Variants in LRP1B observed in about 807,000 individuals in gnomAD.
The protein encoded by LRP1B is LDL receptor related protein 1B, also known as low-density lipoprotein receptor-related protein 1B.
A neutral mutation model predicts 556.6 loss-of-function variants in LRP1B; 217 were observed. The ratio of observed to expected loss-of-function variants is 0.39; its 90% CI spans 0.35 to 0.44. The LOEUF is 0.44. LRP1B is among the 20% of genes least tolerant of loss of function. The pLI, the probability that LRP1B is intolerant of heterozygous loss-of-function variation, is 1.00. For synonymous variants in LRP1B, 2,047 were observed against 1,865.8 expected (o/e 1.10, Z -2.50); for missense variants, 5,053 against 5,620.8 (o/e 0.90, Z 3.23).
intron 1 of LRP1B, among the ~76,000 whole-genome samples, chr2:141,960,435 G>T (rs1701370386): frequency 6.6e-6 from 1 of 151,796 alleles, no homozygotes; most frequent in South Asian, 2.1e-4. Flanking sequence ...TTAATTCTCA[G>T]GAAGGCTATT....
chr2:141,877,274 A>G (rs1488129576), intron 1 of LRP1B, among the ~76,000 whole-genome samples: 1 of 151,940 alleles, frequency 6.6e-6, no homozygotes, highest in Non-Finnish European at 1.5e-5. Context: ...TAGCAAAGAC[A>G]ATTAACTGCC....
chr2:141,330,001 A>G (rs1201711212), intron 3 of LRP1B, among the ~76,000 whole-genome samples: 1 of 78,314 alleles, frequency 1.3e-5, no homozygotes, highest in Non-Finnish European at 2.9e-5. Context: ...ACTATTATAG[A>G]TAAAAAAAAA....
intron 32 of LRP1B, 39 bp downstream of exon 32, chr2:140,813,618 C>G (rs368455910): frequency 6.3e-7 from 1 of 1,596,960 alleles, no homozygotes; most frequent in Non-Finnish European, 8.6e-7. Flanking sequence ...AACCCCCAAT[C>G]AATACAAAGC....
rs943495997 is a variant in LRP1B, at chr2:140,779,516, G to A, written c.5360-3278C>T. 3.9e-5 allele frequency among the ~76,000 whole-genome samples: 6 copies of A among 152,006 alleles called. No homozygotes were observed. The South Asian group carries it at 1.2e-3, about 32-fold the overall frequency. On this transcript the variant is annotated intron_variant, in intron 32 of 90. Coordinates refer to ENST00000389484, the MANE Select transcript of LRP1B (RefSeq NM_018557.3). ...TCGAGGCCAGCCTGACCAACATGGT[G>A]AAACCCCGTCTCTACTAAAAATACA...
chr2:141,470,746 T>C (rs1682430612), intron 3 of LRP1B, among the ~76,000 whole-genome samples: 1 of 152,188 alleles, frequency 6.6e-6, no homozygotes, highest in African/African-American at 2.4e-5. Context: ...ATACGGGATT[T>C]GGCCTCACAG....
chr2:140,450,059 A>G (rs1686823137), intron 63 of LRP1B, among the ~76,000 whole-genome samples: 1 of 152,224 alleles, frequency 6.6e-6, no homozygotes, highest in Non-Finnish European at 1.5e-5. Flanking sequence ...AGCAATTGCT[A>G]AGAACATATT....
chr2:141,400,370 C>T (rs1454014794), intron 3 of LRP1B, among the ~76,000 whole-genome samples: 1 of 152,274 alleles, frequency 6.6e-6, no homozygotes, highest in African/African-American at 2.4e-5. Flanking sequence ...TTGGAGTTAG[C>T]CTATACGACT....
intron 3 of LRP1B, among the ~76,000 whole-genome samples, chr2:141,437,267 G>T (rs1449216687): frequency 6.6e-6 from 1 of 152,038 alleles, no homozygotes; most frequent in Non-Finnish European, 1.5e-5. Flanking sequence ...TCTGTTAGAA[G>T]ATTTTGTAAT....
At chr2:141,555,589 T>C (rs1296753132) in intron 2 of LRP1B, among the ~76,000 whole-genome samples, 2 of 151,942 alleles carry the variant, frequency 1.3e-5, no homozygotes, top group East Asian at 1.9e-4. Flanking sequence ...TAAAATGTCA[T>C]CTTGCCTAAA....
chr2:140,275,557 A>T (rs1198001395), intron 84 of LRP1B, among the ~76,000 whole-genome samples: 1 of 151,924 alleles, frequency 6.6e-6, no homozygotes, highest in Non-Finnish European at 1.5e-5. Flanking sequence ...TTCCCTGTAC[A>T]CGTAGCAGAA....
chr2:141,148,104 C>A (rs577778659), intron 7 of LRP1B, among the ~76,000 whole-genome samples: 1 of 152,128 alleles, frequency 6.6e-6, no homozygotes, highest in Admixed American at 6.5e-5. Flanking sequence ...ATTAAGCATG[C>A]GTGACTGTAG....
At chr2:141,604,654 CCTT>C (rs981816222) in intron 2 of LRP1B, among the ~76,000 whole-genome samples, 3 of 152,048 alleles carry the variant, frequency 2.0e-5, no homozygotes, top group African/African-American at 7.2e-5. Flanking sequence ...TTGAGTGGTG[CCTT>C]CGTTTTAGCC....
chr2:141,881,315 A>C (rs1698950864), intron 1 of LRP1B, among the ~76,000 whole-genome samples: 1 of 152,156 alleles, frequency 6.6e-6, no homozygotes, highest in African/African-American at 2.4e-5. Flanking sequence ...AACTGATGGA[A>C]GACTTAAAAT....
At chr2:140,767,790 T>G (rs1403335374) in intron 35 of LRP1B, among the ~76,000 whole-genome samples, 3 of 151,918 alleles carry the variant, frequency 2.0e-5, no homozygotes, top group African/African-American at 7.2e-5. Flanking sequence ...CATTATGGAG[T>G]CTTCAAAATA....
chr2:141,623,003 A>G (rs999524656), intron 2 of LRP1B, among the ~76,000 whole-genome samples: 15 of 152,226 alleles, frequency 9.9e-5, no homozygotes, highest in African/African-American at 3.4e-4. Context: ...TCAGCATAAC[A>G]CATATGGTTC....
At chr2:141,778,297 G>A (rs1301070798) in intron 2 of LRP1B, among the ~76,000 whole-genome samples, 1 of 152,152 alleles carries the variant, frequency 6.6e-6, no homozygotes, top group Non-Finnish European at 1.5e-5. Context: ...TTAGACATAT[G>A]ATCTCTGCAT....
At chr2:141,726,857 A>C (rs1693057199) in intron 2 of LRP1B, among the ~76,000 whole-genome samples, 2 of 152,132 alleles carry the variant, frequency 1.3e-5, no homozygotes, top group Admixed American at 1.3e-4. Flanking sequence ...CTGCCTGACA[A>C]ATTGAAGATG....
chr2:141,565,771 T>A (rs1223967964), intron 2 of LRP1B, among the ~76,000 whole-genome samples: 2 of 152,238 alleles, frequency 1.3e-5, no homozygotes, highest in Non-Finnish European at 2.9e-5. Flanking sequence ...AGAGGTACAC[T>A]GTTTGTATAT....
At chr2:141,012,782 C>T (rs1917703) in intron 14 of LRP1B, among the ~76,000 whole-genome samples, 144,554 of 151,954 alleles carry the variant, frequency 0.95, 68,865 homozygotes, top group East Asian at 0.99. Flanking sequence ...CGATAGCATA[C>T]GTGTTAGGAA....
Sources: allele counts gnomAD v4.1 joint callset (sites outside exome capture counted in the v4.1 genomes callset), GRCh38; gene constraint gnomAD v4.1.1; transcripts MANE v1.5; gene names NCBI Gene and HGNC (gene_info 2026-07-23, HGNC 2026-07-21).